MYT1L: variants seen among roughly 807,000 people sequenced by gnomAD.
MYT1L encodes myelin transcription factor 1 like.
Under a neutral mutation model 126.7 loss-of-function variants are expected in MYT1L, and 12 were observed. The ratio of observed to expected loss-of-function variants is 0.09; its 90% CI spans 0.06 to 0.15. The LOEUF is 0.15. MYT1L is among the 10% of genes least tolerant of loss of function. MYT1L has a pLI of 1.00. For synonymous variants in MYT1L, 541 were observed against 604.2 expected, an observed-to-expected ratio of 0.90 and a Z score of 1.53; for missense variants, 979 against 1,585.2, an observed-to-expected ratio of 0.62 and a Z score of 6.49.
chr2:2,320,477 A>AG (rs1035370487), intron 1 of MYT1L, among the ~76,000 whole-genome samples: 10 of 136,746 alleles, frequency 7.3e-5, no homozygotes, highest in Middle Eastern at 3.7e-3. Flanking sequence ...TCTAAGTCCT[A>AG]GAAAAAAAAA....
At chr2:1,843,067 C>T (rs1011674583) in intron 19 of MYT1L, among the ~76,000 whole-genome samples, 1 of 152,230 alleles carries the variant, frequency 6.6e-6, no homozygotes, top group Non-Finnish European at 1.5e-5. Flanking sequence ...TTCTTCCACG[C>T]GACTCGTAGG....
intron 4 of MYT1L, among the ~76,000 whole-genome samples, chr2:2,020,933 C>A (rs1422776864): frequency 6.6e-6 from 1 of 152,220 alleles, no homozygotes; most frequent in Non-Finnish European, 1.5e-5. Flanking sequence ...TGCCTCTGAG[C>A]AGCTCCTTCC....
intron 3 of MYT1L, among the ~76,000 whole-genome samples, chr2:2,078,295 T>G (rs554405038): frequency 6.6e-6 from 1 of 152,242 alleles, no homozygotes; most frequent in African/African-American, 2.4e-5. Flanking sequence ...ACACAAGATA[T>G]ACAGAAAATA....
At chr2:2,243,916 T>C (rs531840870) in intron 2 of MYT1L, among the ~76,000 whole-genome samples, 7 of 152,280 alleles carry the variant, frequency 4.6e-5, no homozygotes, top group Non-Finnish European at 7.4e-5. Context: ...GCAACCTTGT[T>C]AGCAGCCATT....
chr2:1,971,412 G>C (rs933185993), intron 8 of MYT1L, among the ~76,000 whole-genome samples: 11 of 152,154 alleles, frequency 7.2e-5, no homozygotes, highest in African/African-American at 2.4e-4. Flanking sequence ...TGACAATAAA[G>C]GTTGACTGCA....
chr2:2,278,910 A>T (rs1468349491), intron 2 of MYT1L, among the ~76,000 whole-genome samples: 1 of 152,100 alleles, frequency 6.6e-6, no homozygotes, highest in Non-Finnish European at 1.5e-5. Flanking sequence ...CAAGAACAAA[A>T]GGCCCCTCTC....
At chr2:2,281,744 A>G (rs1212060665) in intron 2 of MYT1L, among the ~76,000 whole-genome samples, 1 of 152,246 alleles carries the variant, frequency 6.6e-6, no homozygotes, top group Non-Finnish European at 1.5e-5. Flanking sequence ...AGTTGAATTG[A>G]ATTAGACATA....
intron 14 of MYT1L, among the ~76,000 whole-genome samples, chr2:1,897,296 C>T (rs1354046578): frequency 2.6e-5 from 4 of 152,336 alleles, no homozygotes; most frequent in East Asian, 3.9e-4. Flanking sequence ...CAGCATTGCT[C>T]GGCTCAGTGC....
intron 8 of MYT1L, among the ~76,000 whole-genome samples, chr2:1,973,640 G>A (rs1434503165): frequency 6.6e-6 from 1 of 152,206 alleles, no homozygotes; most frequent in Non-Finnish European, 1.5e-5. Flanking sequence ...AGGTACTTGA[G>A]CCCCACTAAA....
At position 1,845,761 on chromosome 2, in the gene MYT1L, G is replaced by T. The variant is rs576633357; in HGVS notation, c.2775-4918C>A. Reference sequence around the variant, plus strand: ...TTTACCCCCTTATACTGAATTCAACGGGACTCCTAAAGCAAGTTCCGTTTG... The same window carrying T: ...TTTACCCCCTTATACTGAATTCAACTGGACTCCTAAAGCAAGTTCCGTTTG... On this transcript the variant is annotated intron_variant, in intron 19 of 24. Transcript: ENST00000647738. Among the ~76,000 whole-genome samples the T allele has an allele frequency of 4.6e-5, 7 of 152,176 alleles. No individual in the cohort carries two copies. In the East Asian group the frequency reaches 1.3e-3, roughly 29 times the overall value.
At chr2:2,158,202 G>A (rs1315602500) in intron 3 of MYT1L, among the ~76,000 whole-genome samples, 1 of 151,616 alleles carries the variant, frequency 6.6e-6, no homozygotes, top group African/African-American at 2.4e-5. Context: ...AGCAATATCA[G>A]TTAGACTAAC....
At chr2:1,924,626 C>A (rs910888554) in intron 9 of MYT1L, among the ~76,000 whole-genome samples, 5 of 152,190 alleles carry the variant, frequency 3.3e-5, no homozygotes, top group African/African-American at 1.2e-4. Flanking sequence ...TTATCCCACG[C>A]TGAAGGAACA....
chr2:1,795,797 G>A (rs2033347752), intron 23 of MYT1L: 1 of 152,258 alleles, frequency 6.6e-6, no homozygotes, highest in Non-Finnish European at 1.5e-5. Context: ...AGGAAGCAGT[G>A]CATTCCCGGA....
chr2:2,004,307 G>GTGCC (rs2062857125), intron 4 of MYT1L, among the ~76,000 whole-genome samples: 4 of 114,964 alleles, frequency 3.5e-5, no homozygotes, highest in African/African-American at 3.3e-5. Flanking sequence ...TCCTGCATGC[G>GTGCC]TTCTTTCCTG....
At chr2:1,829,986 G>C (rs1409595751) in intron 21 of MYT1L, among the ~76,000 whole-genome samples, 1 of 152,180 alleles carries the variant, frequency 6.6e-6, no homozygotes, top group Non-Finnish European at 1.5e-5. Context: ...CTTTTCTTAG[G>C]AGCTGTGTGT....
chr2:1,941,674 T>TGC (rs1344967464), intron 9 of MYT1L, among the ~76,000 whole-genome samples: 1 of 151,902 alleles, frequency 6.6e-6, no homozygotes, highest in Non-Finnish European at 1.5e-5. Context: ...TGCATGTGTG[T>TGC]GTGCATATGC....
intron 13 of MYT1L, among the ~76,000 whole-genome samples, chr2:1,903,785 G>C (rs1004473742): frequency 6.6e-6 from 1 of 152,198 alleles, no homozygotes; most frequent in African/African-American, 2.4e-5. Flanking sequence ...GGACAATGAG[G>C]TAGGCTAGGT....
intron 4 of MYT1L, among the ~76,000 whole-genome samples, chr2:2,007,709 G>T (rs1161106206): frequency 6.6e-6 from 1 of 152,116 alleles, no homozygotes; most frequent in Non-Finnish European, 1.5e-5. Flanking sequence ...CCATGTGTGA[G>T]GTGGTAACTT....
intron 18 of MYT1L, among the ~76,000 whole-genome samples, chr2:1,861,812 GC>G: frequency 7.1e-6 from 1 of 140,364 alleles, no homozygotes; most frequent in Non-Finnish European, 1.6e-5. Context: ...TCCTAGATCT[GC>G]CTGCAGCCTG....
Sources: gnomAD v4.1 joint callset for allele counts (sites outside exome capture counted in the v4.1 genomes callset) on GRCh38, gnomAD v4.1.1 for gene constraint, MANE v1.5 for transcripts, NCBI Gene and HGNC (gene_info 2026-07-23, HGNC 2026-07-21) for gene names.